The following ETV6 variants were observed in gnomAD, a reference collection of about 807,000 sequenced individuals.
ETV6 encodes ETS variant transcription factor 6.
Under a neutral mutation model 51.1 loss-of-function variants are expected in ETV6, and 16 were observed. The observed-to-expected ratio is 0.31, with a 90% CI of 0.21 to 0.48. ETV6 has a LOEUF of 0.48. Among genes scored for constraint, ETV6 ranks in the 20% least tolerant of loss-of-function variants. ETV6 has a pLI of 0.99. For synonymous variants in ETV6, 240 were observed against 224.1 expected (o/e 1.07, Z -0.64); for missense variants, 458 against 594.8 (o/e 0.77, Z 2.39).
At chr12:11,739,214 G>A (rs1050137075) in intron 1 of ETV6, among the ~76,000 whole-genome samples, 14 of 152,146 alleles carry the variant, frequency 9.2e-5, no homozygotes, top group African/African-American at 3.4e-4. Context: ...CCTCTGTAAG[G>A]GGCCTCTAGT....
At chr12:11,781,693 CTTTTGTGGATT>C (rs1945416404) in intron 2 of ETV6, among the ~76,000 whole-genome samples, 1 of 152,108 alleles carries the variant, frequency 6.6e-6, no homozygotes, top group South Asian at 2.1e-4. Context: ...CAGAACTCTT[CTTTTGTGGATT>C]TTTTAAACTT....
In ETV6 at chr12:11,839,258, C is replaced by A. The variant is rs527681346; in HGVS notation, c.282C>A (p.Leu94=). 9 of 1,614,228 alleles carry A rather than the reference C, an allele frequency of 5.6e-6. No individual in the cohort carries two copies. Among genetic ancestry groups the A allele is most frequent in the Non-Finnish European group, 7.6e-6 (9 of 1,180,034 alleles). Residue 94 remains leucine (L), a synonymous_variant, in exon 3 of 8, where the codon CTC becomes CTA. Coordinates refer to ENST00000396373, the MANE Select transcript of ETV6 (RefSeq NM_001987.5). The part of the protein sequence containing the change: ...SNTFEMNGKA[L]LLLTKEDFRY... The stretch of plus-strand genomic sequence containing the variant: ...CGTTTGAAATGAATGGCAAAGCTCT[C>A]CTGCTGCTGACCAAAGAGGACTTTC...
Position 11,880,411 on chromosome 12 carries a change from T to G in ETV6, c.1010-4034T>G, listed in dbSNP as rs973408204. Among the ~76,000 whole-genome samples the G allele has an allele frequency of 3.9e-5, 6 of 152,322 alleles. 1 individual carries two copies. The highest frequency in any genetic ancestry group is 3.9e-4 in the Admixed American group (6 of 15,292). On this transcript the variant is annotated intron_variant, in intron 5 of 7. Coordinates refer to ENST00000396373, the MANE Select transcript of ETV6 (RefSeq NM_001987.5). ...CGGTGTTCTCTGGTAAGCCCTGCCC[T>G]TCCTTTTGCCATCTGATAAGTAGAT...
At chr12:11,818,334 A>G (rs975174224) in intron 2 of ETV6, among the ~76,000 whole-genome samples, 1 of 152,196 alleles carries the variant, frequency 6.6e-6, no homozygotes. Context: ...CCTGGCCAAC[A>G]TGGCGAAACC....
At chr12:11,685,252 A>G (rs914403782) in intron 1 of ETV6, among the ~76,000 whole-genome samples, 62 of 151,978 alleles carry the variant, frequency 4.1e-4, no homozygotes, top group African/African-American at 1.2e-3. Context: ...GAGTACACCA[A>G]TATTGAGCTT....
chr12:11,688,127 C>T lies in ETV6; in HGVS notation c.33+37967C>T, dbSNP rs558935992. On this transcript the variant is annotated intron_variant, in intron 1 of 7. Coordinates refer to ENST00000396373, the MANE Select transcript of ETV6 (RefSeq NM_001987.5). ...CTGTTAGAGTCTTGGCTGCCTGACT[C>T]CAGAGCCCCAGTCTTAGCCACGTCA... Among the ~76,000 whole-genome samples the T allele has an allele frequency of 4.6e-5, 7 of 152,264 alleles. No homozygotes were observed. In the South Asian group the frequency reaches 1.5e-3, roughly 32 times the overall value.
intron 2 of ETV6, among the ~76,000 whole-genome samples, chr12:11,786,543 C>G (rs1239390065): frequency 6.6e-6 from 1 of 152,100 alleles, no homozygotes. Flanking sequence ...CAGTTTATGT[C>G]TAGAGGAGAG....
intron 3 of ETV6, among the ~76,000 whole-genome samples, chr12:11,844,443 C>A (rs370397428): frequency 1.3e-3 from 203 of 152,200 alleles, no homozygotes; most frequent in Non-Finnish European, 2.6e-3. Context: ...CCCACCAGAA[C>A]CTTTGTCTTT....
At chr12:11,742,967 T>C (rs1591643901) in intron 1 of ETV6, among the ~76,000 whole-genome samples, 2 of 152,140 alleles carry the variant, frequency 1.3e-5, no homozygotes, top group East Asian at 3.9e-4. Flanking sequence ...CCACCATGCC[T>C]GGCTAATTTT....
chr12:11,826,517 C>A (rs1487801801), intron 2 of ETV6: 5 of 152,316 alleles, frequency 3.3e-5, no homozygotes, highest in Non-Finnish European at 7.3e-5. Flanking sequence ...ACCCCTGCCA[C>A]CTACTTGGGA....
rs575588078 is a variant in ETV6 at position 11,876,643 on chromosome 12, A to G, written c.1009+6674A>G. ...TAATCCATTCATTTCATAACCCCTC[A>G]TTTGCTACCCAAAAGTGGGGACCTA... On this transcript the variant is annotated intron_variant, in intron 5 of 7. Coordinates refer to ENST00000396373, the MANE Select transcript of ETV6 (RefSeq NM_001987.5). Among the ~76,000 whole-genome samples, 9 of 152,176 alleles carry G rather than the reference A, an allele frequency of 5.9e-5. No homozygotes were observed. In the East Asian group the frequency reaches 1.7e-3, roughly 29 times the overall value.
intron 1 of ETV6, among the ~76,000 whole-genome samples, chr12:11,746,370 T>G (rs965662553): frequency 7.2e-5 from 11 of 152,192 alleles, no homozygotes; most frequent in South Asian, 2.1e-4. Flanking sequence ...AGTTTCCTCA[T>G]TGCGGAATGG....
At chr12:11,801,618 A>G (rs1016965314) in intron 2 of ETV6, among the ~76,000 whole-genome samples, 5 of 152,218 alleles carry the variant, frequency 3.3e-5, no homozygotes, top group African/African-American at 9.7e-5. Context: ...TTGTATTTCA[A>G]TGATACCTTA....
At chr12:11,878,988 A>G (rs1218058746) in intron 5 of ETV6, among the ~76,000 whole-genome samples, 1 of 152,102 alleles carries the variant, frequency 6.6e-6, no homozygotes, top group East Asian at 1.9e-4. Context: ...GCCTCTACCC[A>G]CTAGATGCTA....
intron 5 of ETV6, among the ~76,000 whole-genome samples, chr12:11,875,594 T>A (rs1303704590): frequency 6.6e-6 from 1 of 152,206 alleles, no homozygotes; most frequent in Non-Finnish European, 1.5e-5. Context: ...GTTTTCAGTA[T>A]GTATTGAAAT....
rs529136856 is a variant in ETV6 at position 11,662,273 on chromosome 12, A to G, written c.33+12113A>G. ...TGGAAAAAAACAAAAAACCTTAAAA[A>G]TGCAAGAAGGAAGAAAGGTAGGTGA... On this transcript the variant is annotated intron_variant, in intron 1 of 7. Transcript: ENST00000396373. Among the ~76,000 whole-genome samples the G allele has an allele frequency of 1.4e-3, 206 of 152,290 alleles. 2 individuals are homozygous for G. Among genetic ancestry groups the G allele is most frequent in the African/African-American group, 4.8e-3 (199 of 41,558 alleles).
chr12:11,768,973 G>C, intron 2 of ETV6: 1 of 479,562 alleles, frequency 2.1e-6, no homozygotes, highest in Non-Finnish European at 4.2e-6. Context: ...GTTTAACAAG[G>C]ATTGATTGAA....
intron 1 of ETV6, among the ~76,000 whole-genome samples, chr12:11,727,444 C>T (rs552709085): frequency 1.3e-5 from 2 of 152,334 alleles, no homozygotes; most frequent in South Asian, 2.1e-4. Context: ...TATCTGTTCC[C>T]TTTGATCATT....
At chr12:11,671,086 C>T (rs1004415140) in intron 1 of ETV6, among the ~76,000 whole-genome samples, 3 of 152,156 alleles carry the variant, frequency 2.0e-5, no homozygotes, top group African/African-American at 7.2e-5. Flanking sequence ...CCTCCTCTCC[C>T]CTGCTCTCAT....
Sources: gnomAD v4.1 joint callset for allele counts (sites outside exome capture counted in the v4.1 genomes callset) on GRCh38, gnomAD v4.1.1 for gene constraint, MANE v1.5 for transcripts, NCBI Gene and HGNC (gene_info 2026-07-23, HGNC 2026-07-21) for gene names.